Variants in SEMA6D observed in about 807,000 individuals in gnomAD.
SEMA6D encodes the protein semaphorin-6D.
Under a neutral mutation model 106.6 loss-of-function variants are expected in SEMA6D, and 35 were observed. The observed-to-expected ratio is 0.33, with a 90% CI of 0.25 to 0.44. SEMA6D has a LOEUF of 0.44. Ranked by LOEUF, SEMA6D falls within the 20% of genes least tolerant of loss-of-function variation. The pLI, the probability that SEMA6D is intolerant of heterozygous loss-of-function variation, is 1.00. For missense variants in SEMA6D, 1,185 were observed against 1,345.9 expected (o/e 0.88, Z 1.87); for synonymous variants, 499 against 487.7 (o/e 1.02, Z -0.31).
chr15:47,228,339 G>A (rs1475732855), intron 1 of SEMA6D, among the ~76,000 whole-genome samples: 1 of 151,754 alleles, frequency 6.6e-6, no homozygotes, highest in African/African-American at 2.4e-5. Context: ...TTGACCTGGG[G>A]CAAGTTTACT....
At chr15:47,303,286 A>C (rs925546279) in intron 1 of SEMA6D, among the ~76,000 whole-genome samples, 1 of 152,202 alleles carries the variant, frequency 6.6e-6, no homozygotes, top group Admixed American at 6.5e-5. Flanking sequence ...CATAGGTTTC[A>C]CTTTCGAGGT....
chr15:47,325,235 G>A (rs557617374), intron 1 of SEMA6D, among the ~76,000 whole-genome samples: 8 of 151,242 alleles, frequency 5.3e-5, no homozygotes, highest in African/African-American at 9.7e-5. Flanking sequence ...GTGCAGTGGC[G>A]CCATCTCGGC....
intron 1 of SEMA6D, among the ~76,000 whole-genome samples, chr15:47,344,836 AAGAAGTG>A (rs1262132334): frequency 1.3e-5 from 2 of 152,222 alleles, no homozygotes; most frequent in Non-Finnish European, 2.9e-5. Context: ...TCCTTGAATG[AAGAAGTG>A]AGTTTAGCAA....
At chr15:47,720,590 G>A (rs1053896815) in intron 1 of SEMA6D, among the ~76,000 whole-genome samples, 4 of 152,146 alleles carry the variant, frequency 2.6e-5, no homozygotes, top group African/African-American at 4.8e-5. Flanking sequence ...TCCAGTAACT[G>A]TGACTGGGGT....
At chr15:47,350,539 G>A (rs1486068203) in intron 1 of SEMA6D, among the ~76,000 whole-genome samples, 1 of 152,110 alleles carries the variant, frequency 6.6e-6, no homozygotes, top group Non-Finnish European at 1.5e-5. Context: ...TCTACCAGCT[G>A]TCTCCATATA....
At position 47,342,030 on chromosome 15, in the gene SEMA6D, T is replaced by TTTTG. The variant is rs369835163; in HGVS notation, c.-238-70343_-238-70340dup. On this transcript the variant is annotated intron_variant, in intron 1 of 19. Transcript: ENST00000558014. ...TGTTTTTTTTTTTCCTTTTTTTCTT[T>TTTTG]TTTGTTTGTTTGTTTGTTTGTTTTC... 4.6e-5 allele frequency among the ~76,000 whole-genome samples: 7 copies of TTTTG among 152,082 alleles called. No homozygotes were observed. The East Asian group carries it at 7.7e-4, about 17-fold the overall frequency.
At position 47,264,991 on chromosome 15, in the gene SEMA6D, A is replaced by T. The variant is rs147502660; in HGVS notation, c.-239+80573A>T. 4.0e-3 allele frequency among the ~76,000 whole-genome samples: 605 copies of T among 152,046 alleles called. 8 individuals are homozygous for T. Among genetic ancestry groups the T allele is most frequent in the African/African-American group, 0.014 (575 of 41,528 alleles). ...TTTGATCATGATACACAATTCTTTAATATGTTCCTGGATTCAGTTTGCTAG... is the reference window on the plus strand; with the variant it reads ...TTTGATCATGATACACAATTCTTTATTATGTTCCTGGATTCAGTTTGCTAG... On this transcript the variant is annotated intron_variant, in intron 1 of 19. Transcript: ENST00000558014.
At chr15:47,196,669 T>A (rs114362229) in intron 1 of SEMA6D, among the ~76,000 whole-genome samples, 1,997 of 152,310 alleles carry the variant, frequency 0.013, 48 homozygotes, top group African/African-American at 0.045. Flanking sequence ...GGCAGAGCTA[T>A]GTAAAATGTC....
intron 4 of SEMA6D, among the ~76,000 whole-genome samples, chr15:47,608,327 A>G (rs2076824903): frequency 6.6e-6 from 1 of 152,224 alleles, no homozygotes; most frequent in African/African-American, 2.4e-5. Context: ...TTAATGACCA[A>G]AAACTGGACT....
intron 2 of SEMA6D, among the ~76,000 whole-genome samples, chr15:47,441,506 A>G (rs1389347468): frequency 2.6e-5 from 4 of 152,098 alleles, no homozygotes; most frequent in Non-Finnish European, 5.9e-5. Context: ...TTTCATTTAT[A>G]CAATAGCTTG....
intron 1 of SEMA6D, among the ~76,000 whole-genome samples, chr15:47,263,836 C>T (rs2034190227): frequency 6.7e-6 from 1 of 150,266 alleles, no homozygotes; most frequent in Admixed American, 6.7e-5. Context: ...TGATGGGATC[C>T]ATTACTAGGT....
chr15:47,240,825 G>T (rs562657969), intron 1 of SEMA6D, among the ~76,000 whole-genome samples: 3 of 152,124 alleles, frequency 2.0e-5, no homozygotes, highest in African/African-American at 7.2e-5. Context: ...AGGATCTAGA[G>T]AAATTAATCC....
At chr15:47,623,024 G>A (rs1480092039) in intron 4 of SEMA6D, among the ~76,000 whole-genome samples, 2 of 152,186 alleles carry the variant, frequency 1.3e-5, no homozygotes, top group African/African-American at 4.8e-5. Flanking sequence ...ACCCACTGTA[G>A]TGACAACCCT....
intron 1 of SEMA6D, among the ~76,000 whole-genome samples, chr15:47,746,796 C>G (rs577954171): frequency 8.5e-5 from 13 of 152,198 alleles, no homozygotes; most frequent in Middle Eastern, 6.8e-3. Flanking sequence ...TAGAATGGCT[C>G]CTTTTCCTGG....
chr15:47,377,862 A>C (rs190856982), intron 1 of SEMA6D, among the ~76,000 whole-genome samples: 57 of 152,312 alleles, frequency 3.7e-4, no homozygotes, highest in Non-Finnish European at 1.2e-4. Context: ...TTTAGTCAGA[A>C]GGTGGTATTT....
chr15:47,452,416 T>C (rs2042221494), intron 2 of SEMA6D, among the ~76,000 whole-genome samples: 1 of 151,988 alleles, frequency 6.6e-6, no homozygotes, highest in African/African-American at 2.4e-5. Flanking sequence ...AGTTACTTTA[T>C]GTTTCTAAGC....
chr15:47,730,078 G>C (rs1370082574), intron 1 of SEMA6D: 6 of 746,212 alleles, frequency 8.0e-6, no homozygotes, highest in Non-Finnish European at 1.1e-5. Context: ...GTTTAGTTTA[G>C]TTTTGAAGGA....
chr15:47,772,444 G>C lies in SEMA6D; in HGVS notation c.*659G>C, dbSNP rs1327697970. 3 of 151,436 alleles carry C rather than the reference G, an allele frequency of 2.0e-5. No homozygotes were observed. The highest frequency in any genetic ancestry group is 2.9e-5 in the Non-Finnish European group (2 of 68,068). 9.4% of individuals were successfully genotyped at this position (151,436 alleles called of 1,614,324 possible). A position where few individuals can be genotyped will look rare whatever the true frequency, so the allele number is the denominator to read the frequency against. ...GCCCATTGCATCTTTTTGTGCTATG[G>C]AGTTGTTTACATTAAGCATGACCGA... On this transcript the variant is annotated 3_prime_UTR_variant, in exon 19 of 19. Coordinates refer to ENST00000536845, the MANE Select transcript of SEMA6D (RefSeq NM_001358351.3).
chr15:47,505,929 G>T (rs542742621), intron 3 of SEMA6D, among the ~76,000 whole-genome samples: 1 of 152,186 alleles, frequency 6.6e-6, no homozygotes, highest in East Asian at 1.9e-4. Flanking sequence ...TGTGTGGGAC[G>T]TGATTGCAGA....
Sources: allele counts gnomAD v4.1 joint callset (sites outside exome capture counted in the v4.1 genomes callset), GRCh38; gene constraint gnomAD v4.1.1; transcripts MANE v1.5; gene names NCBI Gene and HGNC (gene_info 2026-07-23, HGNC 2026-07-21).